The following MSL3 variants were observed in gnomAD, a reference collection of about 807,000 sequenced individuals.
MSL3 encodes MSL3-like 1.
A neutral mutation model predicts 37.2 loss-of-function variants in MSL3; 5 were observed. That is an observed-to-expected ratio of 0.13 (90% CI 0.07 to 0.28). The LOEUF (loss-of-function observed/expected upper bound fraction) is 0.28, where lower values mean the gene tolerates loss of function less well. MSL3 is among the 10% of genes least tolerant of loss of function. The pLI, the probability that MSL3 is intolerant of heterozygous loss-of-function variation, is 1.00. For missense variants in MSL3, 315 were observed against 408.5 expected (o/e 0.77, Z 1.97); for synonymous variants, 149 against 147.6 (o/e 1.01, Z -0.07).
chrX:11,771,035 C>G (rs376766534), intron 10 of MSL3, among the ~76,000 whole-genome samples: 1 of 112,491 alleles, frequency 8.9e-6, no homozygotes, highest in East Asian at 2.8e-4. Flanking sequence ...GAGTCTAGGC[C>G]TGTCTAGGCA....
intron 9 of MSL3, chrX:11,766,426 C>T: frequency 4.0e-6 from 3 of 753,639 alleles, no homozygotes; most frequent in Non-Finnish European, 4.7e-6. Flanking sequence ...ACTGTAGAAA[C>T]TAACATTAGC....
At chrX:11,762,785 T>A (rs2147244756) in intron 6 of MSL3, 52 bp from the exon 7 acceptor site, 1 of 1,087,024 alleles carries the variant, frequency 9.2e-7, no homozygotes, top group Non-Finnish European at 1.2e-6. Context: ...TTGGAATATG[T>A]GGTTTGTTAC....
At position 11,769,799 on chromosome X, in the gene MSL3, T is replaced by A. The variant is rs576809087; in HGVS notation, c.1281+1117T>A. 1.5e-4 allele frequency among the ~76,000 whole-genome samples: 17 copies of A among 111,883 alleles called. No individual in the cohort carries two copies. The South Asian group carries it at 6.4e-3, about 42-fold the overall frequency. On this transcript the variant is annotated intron_variant, in intron 10 of 12. Transcript: ENST00000312196. ...TTTGCATTTTTTTGTAGAGACTAAG[T>A]TTTGCCATGTTGCCCAGCCTGGTCA...
intron 12 of MSL3, among the ~76,000 whole-genome samples, chrX:11,774,290 T>A (rs373833924): frequency 8.9e-5 from 10 of 112,338 alleles, no homozygotes; most frequent in African/African-American, 2.9e-4. Context: ...TGAGATTTAT[T>A]GTTTATAATC....
intron 11 of MSL3, 108 bp downstream of exon 11, chrX:11,772,363 G>A (rs1288891207): frequency 3.2e-6 from 2 of 626,523 alleles, no homozygotes; most frequent in Non-Finnish European, 4.9e-6. Flanking sequence ...AAGAAATTTG[G>A]GGATCCAAGA....
At chrX:11,768,509 AAC>A (rs1322593218) in intron 9 of MSL3, 62 bp from the exon 10 acceptor site, 3 of 745,746 alleles carry the variant, frequency 4.0e-6, no homozygotes, top group Non-Finnish European at 6.1e-6. Context: ...TGCAGTTTTT[AAC>A]AGTCTTGAGG....
In MSL3 at chrX:11,762,114, A is replaced by G; in HGVS notation, c.466-16A>G. 8.8e-7 allele frequency: 1 copy of G among 1,138,022 alleles called. No individual in the cohort carries two copies. Among genetic ancestry groups the G allele is most frequent in the Non-Finnish European group, 1.2e-6 (1 of 858,095 alleles). The allele number at this position is 1,138,022 out of a possible 1,213,427, so 93.8% of individuals were successfully genotyped here. ...TACTGTTTTAAATAGTTAAAAATGG[A>G]ATTTTGATATTGCAGAAAGAAGAAC... On this transcript the variant is annotated splice_polypyrimidine_tract_variant and intron_variant, in intron 5 of 12. Transcript: ENST00000312196.
chrX:11,759,270 G>A (rs1193474864), intron 1 of MSL3, among the ~76,000 whole-genome samples: 1 of 112,171 alleles, frequency 8.9e-6, no homozygotes, highest in African/African-American at 3.2e-5. Context: ...TCTGCCTTCA[G>A]TTCCCTCCCC....
In MSL3 at chrX:11,763,816, A is replaced by T; in HGVS notation, c.786A>T (p.Arg262Ser). The stretch of plus-strand genomic sequence containing the variant: ...GTAAGGAGATGGTGGATGGATTAAG[A>T]ATAACCTTTGATTACACTCTCCCGT... ...DLCKEMVDGL[R>S]ITFDYTLPLV... The change falls in exon 8 of 13, where the codon AGA becomes AGT. Residue 262 changes from arginine to serine, a missense_variant. Coordinates refer to ENST00000312196, the MANE Select transcript of MSL3 (RefSeq NM_078629.4). 8.3e-7 allele frequency: 1 copy of T among 1,207,440 alleles called. No individual in the cohort carries two copies. The highest frequency in any genetic ancestry group is 1.1e-6 in the Non-Finnish European group (1 of 892,237).
At chrX:11,774,320 GTTTA>G (rs1447109821) in intron 12 of MSL3, among the ~76,000 whole-genome samples, 1 of 111,378 alleles carries the variant, frequency 9.0e-6, no homozygotes, top group Non-Finnish European at 1.9e-5. Flanking sequence ...TTTTTATTTT[GTTTA>G]TTTATTTATT....
intron 12 of MSL3, 110 bp downstream of exon 12, chrX:11,772,815 A>G: frequency 2.3e-6 from 1 of 432,135 alleles, no homozygotes; most frequent in Non-Finnish European, 3.9e-6. Context: ...AAATAGTAGA[A>G]GTATTACCTA....
At position 11,765,542 on chromosome X, in the gene MSL3, C is replaced by T. The variant is rs1441635056; in HGVS notation, c.984C>T (p.Thr328=). The T allele has an allele frequency of 5.0e-6, 6 of 1,211,271 alleles. No individual in the cohort carries two copies. The highest frequency in any genetic ancestry group is 6.7e-6 in the Non-Finnish European group (6 of 895,281). Reference sequence around the variant, plus strand: ...CACAGTCCACAGAGAGTCAGCCGACCACCGGTGAACCAGCCACCCCCAAAA... The same window carrying T: ...CACAGTCCACAGAGAGTCAGCCGACTACCGGTGAACCAGCCACCCCCAAAA... ...STPQSTESQP[T]TGEPATPKRR... Residue 328 remains threonine (T), a synonymous_variant, in exon 9 of 13, where the codon ACC becomes ACT. Coordinates refer to ENST00000312196, the MANE Select transcript of MSL3 (RefSeq NM_078629.4).
At chrX:11,769,641 T>C (rs2053215284) in intron 10 of MSL3, among the ~76,000 whole-genome samples, 1 of 111,959 alleles carries the variant, frequency 8.9e-6, no homozygotes, top group African/African-American at 3.3e-5. Flanking sequence ...TCTCATGCTG[T>C]CACCCAGGCT....
At chrX:11,762,306 A>G (rs759955904) in intron 6 of MSL3, 54 bp downstream of exon 6, 5 of 1,036,508 alleles carry the variant, frequency 4.8e-6, no homozygotes, top group South Asian at 2.3e-5. Context: ...TCATTTTGCC[A>G]TAGTTTGCAA....
chrX:11,766,166 AC>A lies in MSL3; in HGVS notation c.1171+438del, dbSNP rs754519755. 2.2e-3 allele frequency: 1,785 copies of A among 802,162 alleles called. 3 individuals are homozygous for A. The highest frequency in any genetic ancestry group is 3.7e-3 in the Admixed American group (48 of 13,128). 66.1% of individuals were successfully genotyped at this position (802,162 alleles called of 1,213,427 possible). On this transcript the variant is annotated intron_variant, in intron 9 of 12. Transcript: ENST00000312196. ...TGTCCTGAATTATCAAAGTAAGAATACTCAGATTTCCATAAGCTCTTCTCAC... is the reference window on the plus strand; with the variant it reads ...TGTCCTGAATTATCAAAGTAAGAATATCAGATTTCCATAAGCTCTTCTCAC...
chrX:11,768,709 A>C (rs774950554), intron 10 of MSL3, 27 bp downstream of exon 10: 14 of 1,018,929 alleles, frequency 1.4e-5, no homozygotes, highest in Non-Finnish European at 1.9e-5. Context: ...GTTTGTTCCC[A>C]ATGGTTCCTT....
intron 9 of MSL3, chrX:11,766,877 G>C: frequency 1.3e-6 from 1 of 754,540 alleles, no homozygotes; most frequent in Non-Finnish European, 1.6e-6. Flanking sequence ...CAAAGCTAAC[G>C]TCAGGGTAAA....
intron 4 of MSL3, 21 bp from the exon 5 acceptor site, chrX:11,761,479 G>A (rs780230889): frequency 3.0e-5 from 34 of 1,121,406 alleles, no homozygotes; most frequent in Non-Finnish European, 3.9e-5. Flanking sequence ...CGAGTTTACC[G>A]GATGCTTTTG....
chrX:11,762,325 G>A (rs2053140833), intron 6 of MSL3, 73 bp downstream of exon 6: 5 of 903,815 alleles, frequency 5.5e-6, no homozygotes, highest in Middle Eastern at 2.8e-4. Flanking sequence ...AATCATAGAC[G>A]TAAGCAATAG....
Sources: gnomAD v4.1 joint callset for allele counts (sites outside exome capture counted in the v4.1 genomes callset) on GRCh38, gnomAD v4.1.1 for gene constraint, MANE v1.5 for transcripts, NCBI Gene and HGNC (gene_info 2026-07-23, HGNC 2026-07-21) for gene names.